Variants in HECW1 observed in about 807,000 individuals in gnomAD.
HECW1 encodes the protein HECT, C2 and WW domain containing E3 ubiquitin protein ligase 1, also known as E3 ubiquitin-protein ligase HECW1.
Under a neutral mutation model 182.3 loss-of-function variants are expected in HECW1, and 61 were observed. That is an observed-to-expected ratio of 0.33 (90% CI 0.27 to 0.41). HECW1 has a LOEUF of 0.41. HECW1 is among the 10% of genes least tolerant of loss of function. HECW1 has a pLI of 1.00. For missense variants in HECW1, 1,739 were observed against 2,108.9 expected, an observed-to-expected ratio of 0.82 and a Z score of 3.44; for synonymous variants, 859 against 832.6, an observed-to-expected ratio of 1.03 and a Z score of -0.55.
intron 2 of HECW1, among the ~76,000 whole-genome samples, chr7:43,165,219 G>A (rs1021286339): frequency 4.6e-5 from 7 of 152,162 alleles, no homozygotes; most frequent in African/African-American, 1.7e-4. Context: ...AATGTTTATT[G>A]AAATGTGTCA....
intron 2 of HECW1, among the ~76,000 whole-genome samples, chr7:43,217,247 G>A (rs912194673): frequency 6.6e-6 from 1 of 152,172 alleles, no homozygotes; most frequent in African/African-American, 2.4e-5. Context: ...ATATTTTGCT[G>A]CATAGGCACT....
intron 21 of HECW1, 74 bp from the exon 22 acceptor site, chr7:43,507,063 C>T (rs1322987234): frequency 2.6e-6 from 4 of 1,542,778 alleles, no homozygotes; most frequent in South Asian, 1.2e-5. Flanking sequence ...GAGCGAGACT[C>T]CTTCTCAAAA....
chr7:43,311,991 TC>T lies in HECW1; in HGVS notation c.258del (p.Tyr87ThrfsTer16). 6.2e-7 allele frequency: 1 copy of T among 1,614,214 alleles called. No individual in the cohort carries two copies. Among genetic ancestry groups the T allele is most frequent in the East Asian group, 2.2e-5 (1 of 44,888 alleles). ...DSRSTLMVSSSYYSIGHSQDL... is the reference protein window; with the variant it reads ...DSRSTLMVSSXYYSIGHSQDL... ...CCGCTCCACGCTCATGGTCAGCAGC[TC>T]CTACTATTCCATCGGGCACTCTCAG... On this transcript the variant is annotated frameshift_variant, in exon 4 of 30. Coordinates refer to ENST00000395891, the MANE Select transcript of HECW1 (RefSeq NM_015052.5). LOFTEE classifies it high-confidence loss of function.
rs768468130 is a variant in HECW1 at position 43,336,144 on chromosome 7, T to TTCTCTCTCTCTCTCTCTCTCTC, written c.460+15436_460+15457dup. On this transcript the variant is annotated intron_variant, in intron 5 of 29. Transcript: ENST00000395891. ...TTTCTTTCTCTCTCTCTCTCTCTCT[T>TTCTCTCTCTCTCTCTCTCTCTC]TCTCTCTCTCTCTCTCTCTCTCTCT... Among the ~76,000 whole-genome samples, 104 of 51,968 alleles carry TTCTCTCTCTCTCTCTCTCTCTC rather than the reference T, an allele frequency of 2.0e-3. 2 individuals are homozygous for TTCTCTCTCTCTCTCTCTCTCTC. Among genetic ancestry groups the TTCTCTCTCTCTCTCTCTCTCTC allele is most frequent in the Non-Finnish European group, 2.9e-3 (78 of 27,188 alleles). The allele number at this position is 51,968 out of a possible 152,430, so 34.1% of individuals were successfully genotyped here.
At chr7:43,315,570 T>G (rs1431836460) in intron 4 of HECW1, among the ~76,000 whole-genome samples, 1 of 152,050 alleles carries the variant, frequency 6.6e-6, no homozygotes, top group East Asian at 1.9e-4. Context: ...CCCAGCTCAC[T>G]GCAACCTCCG....
intron 26 of HECW1, among the ~76,000 whole-genome samples, chr7:43,544,596 C>T (rs201017639): frequency 4.6e-5 from 7 of 151,756 alleles, no homozygotes; most frequent in Non-Finnish European, 7.4e-5. Flanking sequence ...ACTCAGCACA[C>T]GTCTAGAAAT....
At chr7:43,423,937 C>T (rs1048809412) in intron 8 of HECW1, among the ~76,000 whole-genome samples, 2 of 152,018 alleles carry the variant, frequency 1.3e-5, no homozygotes, top group African/African-American at 4.8e-5. Flanking sequence ...TTTCTAAGCA[C>T]GAAGGCTTCA....
chr7:43,394,952 A>T (rs2075176477), intron 6 of HECW1, among the ~76,000 whole-genome samples: 1 of 151,998 alleles, frequency 6.6e-6, no homozygotes, highest in African/African-American at 2.4e-5. Flanking sequence ...AGGAATGCTG[A>T]TTGGTCAGAG....
intron 6 of HECW1, chr7:43,396,548 C>G (rs934714501): frequency 5.8e-6 from 2 of 346,786 alleles, no homozygotes; most frequent in Non-Finnish European, 1.1e-5. Context: ...TAAGTAGTTA[C>G]AAAGGGTCTT....
intron 19 of HECW1, among the ~76,000 whole-genome samples, chr7:43,496,067 T>A (rs529651600): frequency 2.0e-5 from 3 of 152,040 alleles, no homozygotes; most frequent in African/African-American, 7.2e-5. Context: ...CTATTATATA[T>A]CACATTACAA....
At chr7:43,151,341 AC>A (rs1789306769) in intron 2 of HECW1, among the ~76,000 whole-genome samples, 1 of 152,316 alleles carries the variant, frequency 6.6e-6, no homozygotes, top group South Asian at 2.1e-4. Context: ...TACTTAGTAA[AC>A]CTTGTAAAAA....
At chr7:43,213,672 C>T (rs1165908094) in intron 2 of HECW1, among the ~76,000 whole-genome samples, 1 of 151,976 alleles carries the variant, frequency 6.6e-6, no homozygotes, top group Non-Finnish European at 1.5e-5. Context: ...GTCTCGATCT[C>T]CTGACCTCGT....
At position 43,171,300 on chromosome 7, in the gene HECW1, T is replaced by TAC. The variant is rs370407166; in HGVS notation, c.-32+56922_-32+56923dup. Among the ~76,000 whole-genome samples, 9 of 151,900 alleles carry TAC rather than the reference T, an allele frequency of 5.9e-5. No individual in the cohort carries two copies. The South Asian group carries it at 6.2e-4, about 11-fold the overall frequency. On this transcript the variant is annotated intron_variant, in intron 2 of 29. Transcript: ENST00000395891. Reference sequence around the variant, plus strand: ...AAGTTACTGGTGAAACACAGGCACATACACACACACACACTCAGATGGTTA... The same window carrying TAC: ...AAGTTACTGGTGAAACACAGGCACATACACACACACACACACTCAGATGGTTA...
chr7:43,212,222 A>G (rs1796060430), intron 2 of HECW1, among the ~76,000 whole-genome samples: 1 of 152,192 alleles, frequency 6.6e-6, no homozygotes, highest in African/African-American at 2.4e-5. Context: ...CATGAATAAA[A>G]CTTTTACCCA....
intron 8 of HECW1, among the ~76,000 whole-genome samples, chr7:43,418,561 T>C (rs773297489): frequency 2.6e-4 from 39 of 152,216 alleles, no homozygotes; most frequent in Non-Finnish European, 4.3e-4. Context: ...CTATCTTCAA[T>C]TTTACTGTAT....
At chr7:43,131,271 A>C (rs916068406) in intron 2 of HECW1, among the ~76,000 whole-genome samples, 1 of 152,212 alleles carries the variant, frequency 6.6e-6, no homozygotes, top group African/African-American at 2.4e-5. Flanking sequence ...TCTCAAAAAA[A>C]AATTTTTTTT....
At chr7:43,312,733 T>C (rs145737212) in intron 4 of HECW1, among the ~76,000 whole-genome samples, 152 of 152,370 alleles carry the variant, frequency 1.0e-3, no homozygotes, top group African/African-American at 3.3e-3. Flanking sequence ...GGCAATTATT[T>C]TTATGAAAGT....
intron 19 of HECW1, among the ~76,000 whole-genome samples, chr7:43,495,297 G>A (rs1585086006): frequency 6.6e-6 from 1 of 151,992 alleles, no homozygotes; most frequent in African/African-American, 2.4e-5. Flanking sequence ...GGTGTGTGAT[G>A]TTCCGCTCCC....
At chr7:43,406,417 T>G (rs537600288) in intron 7 of HECW1, among the ~76,000 whole-genome samples, 1 of 152,324 alleles carries the variant, frequency 6.6e-6, no homozygotes, top group African/African-American at 2.4e-5. Context: ...GGGGATAACC[T>G]TGGATCAACT....
Sources: allele counts gnomAD v4.1 joint callset (sites outside exome capture counted in the v4.1 genomes callset), GRCh38; gene constraint gnomAD v4.1.1; transcripts MANE v1.5; gene names NCBI Gene and HGNC (gene_info 2026-07-23, HGNC 2026-07-21).